CELF2: variants seen among roughly 807,000 people sequenced by gnomAD.
CELF2 encodes CUGBP Elav-like family member 2, also known as CUG triplet repeat RNA-binding protein 2.
A neutral mutation model predicts 62.6 loss-of-function variants in CELF2; 8 were observed. That is an observed-to-expected ratio of 0.13 (90% CI 0.07 to 0.23). The LOEUF (loss-of-function observed/expected upper bound fraction) is 0.23. Among genes scored for constraint, CELF2 ranks in the 10% least tolerant of loss-of-function variants. The pLI is 1.00. For missense variants in CELF2, 333 were observed against 671.0 expected (o/e 0.50, Z 5.56); for synonymous variants, 258 against 250.0 (o/e 1.03, Z -0.30).
the CELF2 span, among the ~76,000 whole-genome samples, chr10:10,492,565 C>T: frequency 1.3e-5 from 2 of 152,122 alleles, no homozygotes; most frequent in East Asian, 3.8e-4. Flanking sequence ...AGTTTCACTT[C>T]TGAGTACATA....
At chr10:11,322,574 C>T (rs1014135387) in intron 11 of CELF2, among the ~76,000 whole-genome samples, 1 of 151,536 alleles carries the variant, frequency 6.6e-6, no homozygotes, top group Admixed American at 6.6e-5. Context: ...ACCCTCACCC[C>T]ATAGCTCCAA....
chr10:10,554,018 G>T, the CELF2 span, among the ~76,000 whole-genome samples: 1 of 152,148 alleles, frequency 6.6e-6, no homozygotes, highest in African/African-American at 2.4e-5. Flanking sequence ...GGATAGACTG[G>T]AAAGTGGCAG....
At chr10:11,257,094 CA>C (rs1296321895) in intron 4 of CELF2, among the ~76,000 whole-genome samples, 1 of 152,094 alleles carries the variant, frequency 6.6e-6, no homozygotes, top group African/African-American at 2.4e-5. Flanking sequence ...ACCTGGTTAG[CA>C]CTGCATCACC....
At position 11,305,466 on chromosome 10, in the gene CELF2, C is replaced by A. The variant is rs1396796788; in HGVS notation, c.977-8673C>A. Among the ~76,000 whole-genome samples the A allele has an allele frequency of 6.6e-6, 1 of 152,232 alleles. No individual in the cohort carries two copies. The highest frequency in any genetic ancestry group is 1.5e-5 in the Non-Finnish European group (1 of 68,042). On this transcript the variant is annotated intron_variant, in intron 9 of 12. Coordinates refer to ENST00000633077, the MANE Select transcript of CELF2 (RefSeq NM_001326342.2). The surrounding 1 kb of genome is among the most constrained non-coding windows in gnomAD (Gnocchi z 4.8). ...TTTCAAGCGCAGGAAAGACTCCAGT[C>A]TAGTTCACAGTTTGCCTGGGAGGAT...
At chr10:10,599,043 T>C in the CELF2 span, among the ~76,000 whole-genome samples, 8 of 152,126 alleles carry the variant, frequency 5.3e-5, no homozygotes, top group African/African-American at 1.7e-4. Flanking sequence ...TGAGCCATCA[T>C]GCCCGGCCAG....
the CELF2 span, among the ~76,000 whole-genome samples, chr10:10,523,270 T>C: frequency 6.6e-6 from 1 of 152,230 alleles, no homozygotes; most frequent in African/African-American, 2.4e-5. Context: ...TATGAGTTTC[T>C]TTAGCAACAC....
chr10:10,516,734 TAA>T, the CELF2 span, among the ~76,000 whole-genome samples: 5 of 141,268 alleles, frequency 3.5e-5, no homozygotes, highest in Admixed American at 7.1e-5. Flanking sequence ...TCAGCATCAT[TAA>T]AAAAAAAAAA....
At chr10:10,742,284 T>C in the CELF2 span, among the ~76,000 whole-genome samples, 1 of 152,190 alleles carries the variant, frequency 6.6e-6, no homozygotes, top group Non-Finnish European at 1.5e-5. Flanking sequence ...AAATGAGGAC[T>C]TACTGTATAG....
intron 1 of CELF2, among the ~76,000 whole-genome samples, chr10:11,009,607 G>A (rs942521608): frequency 6.6e-6 from 1 of 152,162 alleles, no homozygotes; most frequent in African/African-American, 2.4e-5. Flanking sequence ...GAGAGAGGGT[G>A]ACACCAGCCC....
intron 3 of CELF2, among the ~76,000 whole-genome samples, chr10:11,226,430 C>T (rs142210566): frequency 6.6e-6 from 1 of 152,184 alleles, no homozygotes; most frequent in African/African-American, 2.4e-5. Flanking sequence ...CACATTTGCC[C>T]CTTTGGCACT....
intron 1 of CELF2, among the ~76,000 whole-genome samples, chr10:10,853,488 A>G (rs915307099): frequency 5.3e-5 from 8 of 152,124 alleles, no homozygotes; most frequent in Non-Finnish European, 1.0e-4. Context: ...AGCATAAAGA[A>G]GAGCATCTCT....
At chr10:10,602,915 T>C in the CELF2 span, among the ~76,000 whole-genome samples, 2 of 152,170 alleles carry the variant, frequency 1.3e-5, no homozygotes, top group African/African-American at 2.4e-5. Flanking sequence ...TGTCTTTTCC[T>C]AACTGGCATT....
chr10:10,943,768 T>TTG lies in CELF2; in HGVS notation c.89+23770_89+23771insGT, dbSNP rs1554891196. Among the ~76,000 whole-genome samples the TTG allele has an allele frequency of 3.7e-3, 490 of 131,942 alleles. 5 individuals carry two copies. The highest frequency in any genetic ancestry group is 0.013 in the African/African-American group (479 of 36,156). The allele number at this position is 131,942 out of a possible 152,430, so 86.6% of individuals were successfully genotyped here. ...CACACACCACTACTCCCAGCTTTTT[T>TTG]TTTGTTTTGTTTTTGGAGAGATGGC... is the stretch of plus-strand genomic sequence containing the variant. On this transcript the variant is annotated intron_variant, in intron 2 of 13. Coordinates refer to the CELF2 transcript ENST00000636488.
rs11415164 is a variant in CELF2, at chr10:10,924,281, C to CAAAAAA, written c.89+4306_89+4311dup. ...TGGGCAACACAGCGAGACTCCGTCC[C>CAAAAAA]AAAAAAAAAAAAAAAAAAAAAAAAA... On this transcript the variant is annotated intron_variant, in intron 2 of 13. Transcript: ENST00000636488. 7.5e-3 allele frequency among the ~76,000 whole-genome samples: 339 copies of CAAAAAA among 45,036 alleles called. 56 individuals are homozygous for CAAAAAA. Among genetic ancestry groups the CAAAAAA allele is most frequent in the African/African-American group, 0.021 (246 of 11,606 alleles). The allele number at this position is 45,036 out of a possible 152,430, so 29.5% of individuals were successfully genotyped here.
intron 2 of CELF2, among the ~76,000 whole-genome samples, chr10:10,955,175 G>C (rs1440149221): frequency 6.6e-6 from 1 of 152,210 alleles, no homozygotes; most frequent in Non-Finnish European, 1.5e-5. Flanking sequence ...TTATTGATGA[G>C]AAAACAAACT....
intron 1 of CELF2, among the ~76,000 whole-genome samples, chr10:10,868,429 G>A (rs2060519979): frequency 6.6e-6 from 1 of 152,244 alleles, no homozygotes; most frequent in African/African-American, 2.4e-5. Context: ...CCAAGAGGCA[G>A]GAAGAAGCTT....
chr10:10,867,064 T>C (rs935947219), intron 1 of CELF2, among the ~76,000 whole-genome samples: 2 of 152,180 alleles, frequency 1.3e-5, no homozygotes, highest in Non-Finnish European at 2.9e-5. Context: ...ATAAATAGAA[T>C]ATAGGGAGGT....
intron 9 of CELF2, among the ~76,000 whole-genome samples, chr10:11,292,933 T>C (rs2092705098): frequency 2.0e-5 from 3 of 152,176 alleles, no homozygotes. Context: ...CCTTGTCTTC[T>C]CTCTCCTTGT....
At chr10:10,646,513 C>T in the CELF2 span, among the ~76,000 whole-genome samples, 1 of 152,284 alleles carries the variant, frequency 6.6e-6, no homozygotes, top group East Asian at 1.9e-4. Flanking sequence ...CATTCTGTTC[C>T]ATTGCTACAA....
Sources: gnomAD v4.1 joint callset for allele counts (sites outside exome capture counted in the v4.1 genomes callset) on GRCh38, gnomAD v4.1.1 for gene constraint, Gnocchi (gnomAD v3.1) non-coding constraint, MANE v1.5 for transcripts, NCBI Gene and HGNC (gene_info 2026-07-23, HGNC 2026-07-21) for gene names.